RUNDC3B: variants seen among roughly 807,000 people sequenced by gnomAD.
RUNDC3B encodes the protein RUN domain-containing protein 3B.
Under a neutral mutation model 58.4 loss-of-function variants are expected in RUNDC3B, and 33 were observed. The observed-to-expected ratio is 0.56, with a 90% CI of 0.43 to 0.75. The LOEUF is 0.75. RUNDC3B is among the 30% of genes least tolerant of loss of function. The probability of loss-of-function intolerance (pLI) is 0.00; values close to 1 mark genes in which losing one functional copy is unlikely to be tolerated. For synonymous variants in RUNDC3B, 193 were observed against 195.2 expected (o/e 0.99, Z 0.10); for missense variants, 501 against 535.7 (o/e 0.94, Z 0.64).
intron 10 of RUNDC3B, among the ~76,000 whole-genome samples, chr7:87,822,212 C>G (rs921662743): frequency 2.6e-5 from 4 of 152,216 alleles, no homozygotes; most frequent in African/African-American, 9.6e-5. Context: ...ACAACCCCAT[C>G]AAAAAGTGGG....
chr7:87,813,745 C>T (rs943575763), intron 9 of RUNDC3B, among the ~76,000 whole-genome samples: 7 of 151,818 alleles, frequency 4.6e-5, no homozygotes, highest in South Asian at 2.1e-4. Flanking sequence ...TTTGAGAGGC[C>T]GAGGCGGGAG....
intron 1 of RUNDC3B, among the ~76,000 whole-genome samples, chr7:87,640,871 G>A (rs1229133673): frequency 6.6e-6 from 1 of 151,842 alleles, no homozygotes; most frequent in African/African-American, 2.4e-5. Flanking sequence ...ATTTTTATTT[G>A]ATTTTTTAAA....
rs766706728 is a variant in RUNDC3B, at chr7:87,628,803, G to C, written c.-21G>C. ...CGTGCGGGGTGGCACGAGACAAAAG[G>C]GGCACGGGGGTAAGCCCGCCATGGC... On this transcript the variant is annotated 5_prime_UTR_variant, in exon 1 of 11. Coordinates refer to ENST00000394654, the MANE Select transcript of RUNDC3B (RefSeq NM_001134405.2). The C allele has an allele frequency of 4.1e-6, 5 of 1,225,336 alleles. No individual in the cohort carries two copies. Among genetic ancestry groups the C allele is most frequent in the Non-Finnish European group, 5.2e-6 (5 of 967,690 alleles). 75.9% of individuals were successfully genotyped at this position (1,225,336 alleles called of 1,614,324 possible).
At chr7:87,643,553 G>A (rs1467259221) in intron 1 of RUNDC3B, among the ~76,000 whole-genome samples, 1 of 152,058 alleles carries the variant, frequency 6.6e-6, no homozygotes, top group Non-Finnish European at 1.5e-5. Context: ...AGGGAGTCTG[G>A]CTCTGTTGCC....
intron 4 of RUNDC3B, among the ~76,000 whole-genome samples, chr7:87,735,187 A>G (rs1264478090): frequency 6.6e-6 from 1 of 152,150 alleles, no homozygotes; most frequent in Non-Finnish European, 1.5e-5. Flanking sequence ...CAAGAATCTA[A>G]AAGTCATACC....
chr7:87,727,522 T>G (rs953911878), intron 4 of RUNDC3B, among the ~76,000 whole-genome samples: 6 of 152,224 alleles, frequency 3.9e-5, no homozygotes, highest in Admixed American at 3.9e-4. Context: ...GAGAAATTGT[T>G]AAGTTATTCA....
chr7:87,797,829 A>G (rs1426484337), intron 8 of RUNDC3B, among the ~76,000 whole-genome samples: 1 of 152,194 alleles, frequency 6.6e-6, no homozygotes, highest in East Asian at 1.9e-4. Context: ...TGAACTCGTT[A>G]CAGTTAGAAT....
At chr7:87,828,491 A>G (rs929390542) in intron 10 of RUNDC3B, among the ~76,000 whole-genome samples, 49 of 152,072 alleles carry the variant, frequency 3.2e-4, no homozygotes, top group Non-Finnish European at 8.8e-5. Context: ...TTCTATTCCT[A>G]TGTTAATTCA....
intron 4 of RUNDC3B, among the ~76,000 whole-genome samples, chr7:87,721,378 GC>G (rs1168017684): frequency 1.3e-5 from 2 of 151,998 alleles, no homozygotes; most frequent in African/African-American, 4.8e-5. Context: ...ATTATGGTAT[GC>G]TTCTGATAAT....
At chr7:87,710,267 A>T (rs1829952127) in intron 3 of RUNDC3B, among the ~76,000 whole-genome samples, 1 of 152,188 alleles carries the variant, frequency 6.6e-6, no homozygotes, top group Non-Finnish European at 1.5e-5. Context: ...GTTATATCTT[A>T]TATAATTACA....
rs531280342 is a variant in RUNDC3B at position 87,810,247 on chromosome 7, G to A, written c.1103+2728G>A. ...ATGAATCAGGCAACGTTCAGAACCAGAAAAGGTTCAGAGAGCTCTGCCCAG... is the reference window on the plus strand; with the variant it reads ...ATGAATCAGGCAACGTTCAGAACCAAAAAAGGTTCAGAGAGCTCTGCCCAG... On this transcript the variant is annotated intron_variant, in intron 9 of 10. Transcript: ENST00000394654. 1.7e-4 allele frequency among the ~76,000 whole-genome samples: 26 copies of A among 152,318 alleles called. No individual in the cohort carries two copies. In the South Asian group the frequency reaches 3.7e-3, roughly 22 times the overall value.
chr7:87,831,339 T>A lies in RUNDC3B; in HGVS notation c.*1309T>A, dbSNP rs1271110564. ...AAAGAGCTGAGGTTACCACATTCAT[T>A]CTTTGTGTTAGAAATGTAGGAGTGT... On this transcript the variant is annotated 3_prime_UTR_variant, in exon 11 of 11. Coordinates refer to ENST00000394654, the MANE Select transcript of RUNDC3B (RefSeq NM_001134405.2). 3 of 151,880 alleles carry A rather than the reference T, an allele frequency of 2.0e-5. No homozygotes were observed. The highest frequency in any genetic ancestry group is 4.4e-5 in the Non-Finnish European group (3 of 67,850). 9.4% of individuals were successfully genotyped at this position (151,880 alleles called of 1,614,324 possible).
At chr7:87,758,256 A>G (rs1833480633) in intron 6 of RUNDC3B, among the ~76,000 whole-genome samples, 1 of 152,212 alleles carries the variant, frequency 6.6e-6, no homozygotes, top group Non-Finnish European at 1.5e-5. Context: ...CAGGAGTTCA[A>G]GGCTGCAGTG....
chr7:87,742,754 T>C (rs1832410080), intron 6 of RUNDC3B, among the ~76,000 whole-genome samples: 2 of 152,006 alleles, frequency 1.3e-5, no homozygotes, highest in South Asian at 4.1e-4. Context: ...AAACTACAGA[T>C]AGTGTTAAGA....
intron 2 of RUNDC3B, among the ~76,000 whole-genome samples, chr7:87,666,195 A>T (rs1825229125): frequency 6.6e-6 from 1 of 152,112 alleles, no homozygotes; most frequent in Admixed American, 6.6e-5. Flanking sequence ...CTGGTGTGAG[A>T]TGGTATCTCA....
At chr7:87,803,664 AC>A (rs1836286657) in intron 8 of RUNDC3B, among the ~76,000 whole-genome samples, 1 of 152,144 alleles carries the variant, frequency 6.6e-6, no homozygotes, top group South Asian at 2.1e-4. Context: ...TACAACAATC[AC>A]AAAGACTTTT....
intron 8 of RUNDC3B, among the ~76,000 whole-genome samples, chr7:87,801,295 C>G (rs1468184290): frequency 6.6e-6 from 1 of 152,112 alleles, no homozygotes; most frequent in Non-Finnish European, 1.5e-5. Context: ...ATTCTGGGTA[C>G]AGAGAATAGC....
intron 10 of RUNDC3B, among the ~76,000 whole-genome samples, chr7:87,822,840 A>G (rs980433241): frequency 6.6e-6 from 1 of 152,190 alleles, no homozygotes; most frequent in Non-Finnish European, 1.5e-5. Flanking sequence ...TTGAACAATG[A>G]GAACACATGG....
intron 1 of RUNDC3B, among the ~76,000 whole-genome samples, chr7:87,640,769 A>C (rs1386639150): frequency 1.3e-5 from 2 of 150,066 alleles, no homozygotes; most frequent in African/African-American, 4.9e-5. Flanking sequence ...TTTTCTATTG[A>C]CTCCTTTTCT....
Sources: allele counts gnomAD v4.1 joint callset (sites outside exome capture counted in the v4.1 genomes callset), GRCh38; gene constraint gnomAD v4.1.1; transcripts MANE v1.5; gene names NCBI Gene and HGNC (gene_info 2026-07-23, HGNC 2026-07-21).